NRXN1: variants seen among roughly 807,000 people sequenced by gnomAD.
The protein encoded by NRXN1 is neurexin-1.
Under a neutral mutation model 150.9 loss-of-function variants are expected in NRXN1, and 39 were observed. The observed-to-expected ratio is 0.26, with a 90% confidence interval of 0.20 to 0.34. The LOEUF is 0.34. NRXN1 is among the 10% of genes least tolerant of loss of function. The pLI is 1.00. For missense variants in NRXN1, 1,815 were observed against 1,949.9 expected (o/e 0.93, Z 1.30); for synonymous variants, 924 against 757.0 (o/e 1.22, Z -3.62).
At chr2:50,216,043 G>C (rs2063373793) in intron 18 of NRXN1, among the ~76,000 whole-genome samples, 1 of 151,920 alleles carries the variant, frequency 6.6e-6, no homozygotes, top group African/African-American at 2.4e-5. Context: ...AGAAAAGATG[G>C]TGTCAGAAAA....
rs187797963 is a variant in NRXN1 at position 50,235,072 on chromosome 2, C to A, written c.3546+1717G>T. Among the ~76,000 whole-genome samples the A allele has an allele frequency of 6.1e-3, 921 of 152,082 alleles. 5 individuals carry two copies. Among genetic ancestry groups the A allele is most frequent in the Middle Eastern group, 0.014 (4 of 294 alleles). ...TGATTTGAGAGTGATCATTGTAGAA[C>A]CTTTTCTCAGAGTAAAAGTGTAATT... On this transcript the variant is annotated intron_variant, in intron 18 of 22. Transcript: ENST00000401669.
chr2:50,397,362 G>A (rs1436935394), intron 17 of NRXN1, among the ~76,000 whole-genome samples: 1 of 151,974 alleles, frequency 6.6e-6, no homozygotes, highest in African/African-American at 2.4e-5. Context: ...CTCTTCTAAG[G>A]TTTCTGCTTG....
chr2:50,074,143 G>A (rs900401885), intron 19 of NRXN1, among the ~76,000 whole-genome samples: 9 of 152,012 alleles, frequency 5.9e-5, no homozygotes, highest in African/African-American at 2.2e-4. Context: ...TGATGACTGA[G>A]CTAAGGGACC....
chr2:50,016,641 T>C (rs6746395), intron 21 of NRXN1: 115,442 of 151,958 alleles, frequency 0.76, 44,147 homozygotes, highest in Admixed American at 0.83. Context: ...CATCTGCTCT[T>C]GTGAGAACTC....
chr2:50,836,251 G>A lies in NRXN1; in HGVS notation c.832+85618C>T, dbSNP rs115945444. 9.6e-3 allele frequency among the ~76,000 whole-genome samples: 1,454 copies of A among 152,114 alleles called. 28 individuals carry two copies. The highest frequency in any genetic ancestry group is 0.033 in the African/African-American group (1,360 of 41,504). On this transcript the variant is annotated intron_variant, in intron 5 of 22. Transcript: ENST00000401669. ...TTTACTTATTTATAGGGTACAATGT[G>A]TTGTTTTGATGTATGATTAAATCAG...
At chr2:50,635,054 G>A (rs1381928985) in intron 5 of NRXN1, among the ~76,000 whole-genome samples, 2 of 152,114 alleles carry the variant, frequency 1.3e-5, no homozygotes, top group Non-Finnish European at 2.9e-5. Flanking sequence ...GCCTTCTTGT[G>A]AGTAATACCG....
rs1573859553 is a variant in NRXN1, at chr2:50,091,465, A to G, written c.3576T>C (p.Asn1192=). 6.2e-7 allele frequency: 1 copy of G among 1,614,210 alleles called. No homozygotes were observed. The highest frequency in any genetic ancestry group is 8.5e-7 in the Non-Finnish European group (1 of 1,180,032). The change falls in exon 19 of 23, where the codon AAT becomes AAC. Residue 1192 remains asparagine, a synonymous_variant. Transcript: ENST00000401669. ...IHQGKIGVKF[N]VGTDDIAIEE... ...CAATGGCGATGTCATCTGTCCCAACATTAAACTTAACTCCAATTTTTCCCT... is the reference window on the plus strand; with the variant it reads ...CAATGGCGATGTCATCTGTCCCAACGTTAAACTTAACTCCAATTTTTCCCT...
In NRXN1 at chr2:51,029,202, G is replaced by T. The variant is rs746730704; in HGVS notation, c.-921-8C>A. 6.6e-6 allele frequency: 1 copy of T among 152,226 alleles called. No homozygotes were observed. The highest frequency in any genetic ancestry group is 1.5e-5 in the Non-Finnish European group (1 of 68,052). 9.4% of individuals were successfully genotyped at this position (152,226 alleles called of 1,614,324 possible). A position where few individuals can be genotyped will look rare whatever the true frequency, so the allele number is the denominator to read the frequency against. Reference sequence around the variant, plus strand: ...TTTTAAGGACTCAGACATCTGCAGAGAATTAAAGTCAAAATTAAGGTCTAA... The same window carrying T: ...TTTTAAGGACTCAGACATCTGCAGATAATTAAAGTCAAAATTAAGGTCTAA... On this transcript the variant is annotated splice_region_variant and splice_polypyrimidine_tract_variant and intron_variant, in intron 1 of 22. Coordinates refer to ENST00000401669, the MANE Select transcript of NRXN1 (RefSeq NM_001330078.2).
intron 18 of NRXN1, among the ~76,000 whole-genome samples, chr2:50,205,174 C>G (rs1283146041): frequency 6.6e-6 from 1 of 152,060 alleles, no homozygotes; most frequent in Non-Finnish European, 1.5e-5. Flanking sequence ...GACAATTCAT[C>G]TGCATGGAAA....
At chr2:50,982,466 C>T (rs914007702) in intron 2 of NRXN1, among the ~76,000 whole-genome samples, 4 of 152,080 alleles carry the variant, frequency 2.6e-5, no homozygotes, top group African/African-American at 9.7e-5. Flanking sequence ...AGGGACAACA[C>T]TAACCTGACA....
At chr2:50,979,241 C>G (rs1349651250) in intron 2 of NRXN1, 2 of 517,218 alleles carry the variant, frequency 3.9e-6, no homozygotes, top group African/African-American at 3.9e-5. Context: ...CTAAGATTCT[C>G]CAGCTAAGAT....
At chr2:49,929,954 A>C (rs1669834970) in intron 22 of NRXN1, among the ~76,000 whole-genome samples, 2 of 152,220 alleles carry the variant, frequency 1.3e-5, no homozygotes, top group Admixed American at 6.5e-5. Flanking sequence ...TGTAGGTACC[A>C]TGCAGGAGTA....
intron 18 of NRXN1, among the ~76,000 whole-genome samples, chr2:50,230,918 C>G (rs2064880227): frequency 6.6e-6 from 1 of 152,026 alleles, no homozygotes; most frequent in African/African-American, 2.4e-5. Context: ...TTTTACACCT[C>G]AGAAGTTTGG....
intron 14 of NRXN1, 68 bp downstream of exon 14, chr2:50,497,265 A>G (rs569017972): frequency 7.9e-7 from 1 of 1,266,472 alleles, no homozygotes; most frequent in African/African-American, 1.5e-5. Flanking sequence ...CTTAGTGTAT[A>G]TTTTTGGAAA....
intron 5 of NRXN1, among the ~76,000 whole-genome samples, chr2:50,840,728 A>T (rs559561436): frequency 6.6e-6 from 1 of 152,250 alleles, no homozygotes; most frequent in South Asian, 2.1e-4. Flanking sequence ...CCATTTTAGA[A>T]ATAGGGGATT....
At chr2:50,237,528 A>T (rs1015263265) in intron 17 of NRXN1, among the ~76,000 whole-genome samples, 2 of 151,854 alleles carry the variant, frequency 1.3e-5, no homozygotes, top group Non-Finnish European at 2.9e-5. Context: ...GAAAATACAG[A>T]TAATAGATGT....
At chr2:50,623,283 C>T (rs201074140) in intron 6 of NRXN1, 31 bp downstream of exon 6, 4 of 1,578,520 alleles carry the variant, frequency 2.5e-6, no homozygotes, top group Non-Finnish European at 3.5e-6. Context: ...AGAAACAAAG[C>T]CAGTTACTCT....
intron 8 of NRXN1, among the ~76,000 whole-genome samples, chr2:50,594,999 T>TA (rs767429102): frequency 0.032 from 4,372 of 135,180 alleles, 93 homozygotes; most frequent in African/African-American, 0.064. Context: ...CCTCTCTTCT[T>TA]AAAAAAAAAA....
intron 5 of NRXN1, among the ~76,000 whole-genome samples, chr2:50,630,696 G>A (rs577990340): frequency 6.6e-6 from 1 of 151,656 alleles, no homozygotes; most frequent in South Asian, 2.1e-4. Context: ...AGGTTGGAAG[G>A]TTTTACTATA....
Sources: allele counts gnomAD v4.1 joint callset (sites outside exome capture counted in the v4.1 genomes callset), GRCh38; gene constraint gnomAD v4.1.1; transcripts MANE v1.5; gene names NCBI Gene and HGNC (gene_info 2026-07-23, HGNC 2026-07-21).